PPIP5K1: variants seen among roughly 807,000 people sequenced by gnomAD.
PPIP5K1 encodes the protein inositol hexakisphosphate and diphosphoinositol-pentakisphosphate kinase 1.
PPIP5K1 carries 6 observed loss-of-function variants against 27.7 expected under a neutral mutation model. That is an observed-to-expected ratio of 0.22 (90% CI 0.12 to 0.43). The LOEUF is 0.43. PPIP5K1 is among the 20% of genes least tolerant of loss of function. The pLI is 1.00. For missense variants in PPIP5K1, 394 were observed against 635.4 expected (o/e 0.62, Z 4.08); for synonymous variants, 145 against 242.6 (o/e 0.60, Z 3.74).
chr15:43,534,699 TG>T lies in PPIP5K1; in HGVS notation c.4447del (p.Gln1483ArgfsTer7). The T allele has an allele frequency of 6.5e-7, 1 of 1,527,514 alleles. No homozygotes were observed. Among genetic ancestry groups the T allele is most frequent in the Non-Finnish European group, 8.8e-7 (1 of 1,141,554 alleles). The allele number at this position is 1,527,514 out of a possible 1,614,324, so 94.6% of individuals were successfully genotyped here. A position where few individuals can be genotyped will look rare whatever the true frequency, so the allele number is the denominator to read the frequency against. The stretch of plus-strand genomic sequence containing the variant: ...CTAATTTATCTCCTCAGGGACCTCC[TG>T]GGCCTGCAGATCAATCTCCTCAGGG... ...EFPEEIDLQA[Q>X]EVPEEIN On this transcript the variant is annotated frameshift_variant, in exon 32 of 32. Coordinates refer to ENST00000420765, the MANE Select transcript of PPIP5K1 (RefSeq NM_001394395.1). LOFTEE classifies it high-confidence loss of function.
At chr15:43,558,278 A>G (rs1455603436) in intron 30 of PPIP5K1, among the ~76,000 whole-genome samples, 1 of 146,736 alleles carries the variant, frequency 6.8e-6, no homozygotes, top group Non-Finnish European at 1.5e-5. Flanking sequence ...GCCAGGCCGG[A>G]GTGTAGTGGT....
intron 30 of PPIP5K1, among the ~76,000 whole-genome samples, chr15:43,549,239 G>A (rs1012009732): frequency 9.2e-5 from 14 of 151,462 alleles, no homozygotes; most frequent in African/African-American, 1.7e-4. Context: ...GCAATGTTTT[G>A]TAGTTTTTGG....
At position 43,534,166 on chromosome 15, in the gene PPIP5K1, A is replaced by G. The variant is rs1178964813; in HGVS notation, c.*508T>C. On this transcript the variant is annotated 3_prime_UTR_variant, in exon 32 of 32. Coordinates refer to ENST00000420765, the MANE Select transcript of PPIP5K1 (RefSeq NM_001394395.1). ...GAGAAGTCGTGAACATTTCCCCAGAAAAGTGAAGACCCTAGAGTCCCCTCT... is the reference window on the plus strand; with the variant it reads ...GAGAAGTCGTGAACATTTCCCCAGAGAAGTGAAGACCCTAGAGTCCCCTCT... The G allele has an allele frequency of 6.5e-6, 1 of 153,026 alleles. No individual in the cohort carries two copies. The highest frequency in any genetic ancestry group is 1.5e-5 in the Non-Finnish European group (1 of 68,390). The allele number at this position is 153,026 out of a possible 1,614,324, so 9.5% of individuals were successfully genotyped here.
At chr15:43,545,437 G>A (rs377148959) in intron 30 of PPIP5K1, among the ~76,000 whole-genome samples, 1 of 147,560 alleles carries the variant, frequency 6.8e-6, no homozygotes, top group East Asian at 2.0e-4. Context: ...AATTTCATAT[G>A]TACAATGGCT....
At position 43,552,471 on chromosome 15, in the gene PPIP5K1, C is replaced by T. The variant is rs117263061; in HGVS notation, c.3556+6324G>A. Among the ~76,000 whole-genome samples the T allele has an allele frequency of 6.9e-3, 995 of 145,122 alleles. 18 individuals are homozygous for T. The highest frequency in any genetic ancestry group is 0.042 in the East Asian group (209 of 4,992). On this transcript the variant is annotated intron_variant, in intron 30 of 31. Coordinates refer to ENST00000420765, the MANE Select transcript of PPIP5K1 (RefSeq NM_001394395.1). ...CTGTAATCCTAGCATTTTGGGAGAC[C>T]GAAGCCAGCAGATCTCTTGAGCTCA...
chr15:43,546,207 G>A (rs930123917), intron 30 of PPIP5K1, among the ~76,000 whole-genome samples: 2 of 152,162 alleles, frequency 1.3e-5, no homozygotes, highest in African/African-American at 4.8e-5. Flanking sequence ...ATTTTAATAT[G>A]TATCGGTACT....
At chr15:43,547,339 T>C (rs904949935) in intron 30 of PPIP5K1, among the ~76,000 whole-genome samples, 7 of 152,242 alleles carry the variant, frequency 4.6e-5, no homozygotes, top group African/African-American at 1.4e-4. Flanking sequence ...TTTTTGATAA[T>C]ATCCTTTGAT....
rs192464635 is a variant in PPIP5K1 at position 43,552,432 on chromosome 15, G to A, written c.3556+6363C>T. On this transcript the variant is annotated intron_variant, in intron 30 of 31. Coordinates refer to ENST00000420765, the MANE Select transcript of PPIP5K1 (RefSeq NM_001394395.1). ...TTTAAGAGTATGTTGTTGGCTGGGC[G>A]CAGTGGCTCATGCCTGTAATCCTAG... Among the ~76,000 whole-genome samples, 635 of 150,192 alleles carry A rather than the reference G, an allele frequency of 4.2e-3. 7 individuals carry two copies. The highest frequency in any genetic ancestry group is 2.9e-3 in the Non-Finnish European group (199 of 67,832).
At chr15:43,552,825 C>T (rs1279068548) in intron 30 of PPIP5K1, among the ~76,000 whole-genome samples, 2 of 152,012 alleles carry the variant, frequency 1.3e-5, no homozygotes, top group Admixed American at 1.3e-4. Context: ...GGTGGATCAC[C>T]TGAGGTCAGG....
rs1367763722 is a variant in PPIP5K1 at position 43,579,347 on chromosome 15, G to A, written c.1062-227C>T. Reference sequence around the variant, plus strand: ...TTCCCTCTGGGGATGGGGAGGGGATGTTACTAGGGAGGAGTACATAGGGGC... The same window carrying A: ...TTCCCTCTGGGGATGGGGAGGGGATATTACTAGGGAGGAGTACATAGGGGC... On this transcript the variant is annotated intron_variant, in intron 10 of 31. Coordinates refer to ENST00000420765, the MANE Select transcript of PPIP5K1 (RefSeq NM_001394395.1). 9.9e-5 allele frequency among the ~76,000 whole-genome samples: 9 copies of A among 91,006 alleles called. No homozygotes were observed. The South Asian group carries it at 1.1e-3, about 11-fold the overall frequency. The allele number at this position is 91,006 out of a possible 152,430, so 59.7% of individuals were successfully genotyped here.
chr15:43,538,787 C>T (rs1335111055), intron 31 of PPIP5K1, among the ~76,000 whole-genome samples: 2 of 151,330 alleles, frequency 1.3e-5, no homozygotes, highest in African/African-American at 4.9e-5. Flanking sequence ...GCTGGGATTA[C>T]AGGCGTGAGC....
At chr15:43,555,457 T>C (rs547175634) in intron 30 of PPIP5K1, among the ~76,000 whole-genome samples, 2 of 151,346 alleles carry the variant, frequency 1.3e-5, no homozygotes, top group Middle Eastern at 3.4e-3. Context: ...ATTTTTATTT[T>C]TATTTTTTTG....
chr15:43,537,944 A>C (rs1567004634), intron 31 of PPIP5K1, among the ~76,000 whole-genome samples: 1 of 152,030 alleles, frequency 6.6e-6, no homozygotes, highest in East Asian at 1.9e-4. Flanking sequence ...TAGTGGTCTG[A>C]TTCAGGCAAA....
At chr15:43,545,035 G>A (rs960791450) in intron 30 of PPIP5K1, among the ~76,000 whole-genome samples, 11 of 151,972 alleles carry the variant, frequency 7.2e-5, no homozygotes, top group African/African-American at 2.4e-4. Flanking sequence ...ATAATTAGCC[G>A]GGTGTAGTGG....
At chr15:43,543,950 T>G (rs1162111896) in intron 30 of PPIP5K1, among the ~76,000 whole-genome samples, 1 of 152,166 alleles carries the variant, frequency 6.6e-6, no homozygotes, top group East Asian at 1.9e-4. Context: ...TATTCTAAAG[T>G]TATTGAAAAA....
In PPIP5K1 at chr15:43,539,526, C is replaced by A; in HGVS notation, c.3614G>T (p.Arg1205Leu). 1 of 1,609,944 alleles carries A rather than the reference C, an allele frequency of 6.2e-7. No homozygotes were observed. Among genetic ancestry groups the A allele is most frequent in the Non-Finnish European group, 8.5e-7 (1 of 1,178,114 alleles). Residue 1205 changes from arginine (R) to leucine (L), a missense_variant, in exon 31 of 32, where the codon CGT becomes CTT. This residue lies in a region of PPIP5K1 where 379 missense variants were observed against 423.9 expected (regional missense o/e 0.89). Coordinates refer to ENST00000420765, the MANE Select transcript of PPIP5K1 (RefSeq NM_001394395.1). The stretch of plus-strand genomic sequence containing the variant: ...TTGCAGGGGAGGTGAATGAAGAGTA[C>A]GTGGTGGAGAAAATGGGTTATCTGA... Reference protein sequence around the residue: ...QASDNPFSPPRTLHSPPLQLQ... With the variant: ...QASDNPFSPPLTLHSPPLQLQ...
intron 30 of PPIP5K1, among the ~76,000 whole-genome samples, chr15:43,550,500 C>A (rs2082057900): frequency 6.6e-6 from 1 of 152,092 alleles, no homozygotes; most frequent in Middle Eastern, 3.2e-3. Context: ...GCTTTAATAG[C>A]CGCTTTTTTA....
intron 31 of PPIP5K1, among the ~76,000 whole-genome samples, chr15:43,536,891 A>C (rs901083683): frequency 3.9e-5 from 6 of 152,188 alleles, no homozygotes; most frequent in Non-Finnish European, 5.9e-5. Flanking sequence ...ATATTAAAGC[A>C]CTATGGTATC....
In PPIP5K1 at chr15:43,581,215, G is replaced by T; in HGVS notation, c.939+12C>A. The T allele has an allele frequency of 6.3e-7, 1 of 1,581,550 alleles. No homozygotes were observed. On this transcript the variant is annotated intron_variant, in intron 9 of 31. Coordinates refer to ENST00000420765, the MANE Select transcript of PPIP5K1 (RefSeq NM_001394395.1). ...CTCCTTCATTTCACAACCTCCCTGG[G>T]CCCTCCTCTACCTTGAAAGCTACGC...
Sources: allele counts gnomAD v4.1 joint callset (sites outside exome capture counted in the v4.1 genomes callset), GRCh38; gene constraint gnomAD v4.1.1; regional missense constraint gnomAD v4.1.1; transcripts MANE v1.5; gene names NCBI Gene and HGNC (gene_info 2026-07-23, HGNC 2026-07-21).